Variants in AK5 observed in about 807,000 individuals in gnomAD.
The protein encoded by AK5 is adenylate kinase isoenzyme 5.
A neutral mutation model predicts 69.5 loss-of-function variants in AK5; 27 were observed. The ratio of observed to expected loss-of-function variants is 0.39; its 90% CI spans 0.29 to 0.54. The LOEUF is 0.54. Among genes scored for constraint, AK5 ranks in the 20% least tolerant of loss-of-function variants. AK5 has a pLI of 0.71. For synonymous variants in AK5, 260 were observed against 244.4 expected (o/e 1.06, Z -0.60); for missense variants, 531 against 700.4 (o/e 0.76, Z 2.73).
chr1:77,537,349 A>G (rs1051075118), intron 13 of AK5, among the ~76,000 whole-genome samples: 1 of 152,142 alleles, frequency 6.6e-6, no homozygotes, highest in Non-Finnish European at 1.5e-5. Flanking sequence ...ATGGAGAGGC[A>G]AGCAAGGACT....
chr1:77,550,851 C>T (rs1659787872), intron 13 of AK5, among the ~76,000 whole-genome samples: 1 of 152,106 alleles, frequency 6.6e-6, no homozygotes, highest in South Asian at 2.1e-4. Flanking sequence ...TTGTTCCCAC[C>T]CAATTCAACT....
chr1:77,389,934 G>C (rs922990102), intron 6 of AK5, among the ~76,000 whole-genome samples: 1 of 151,992 alleles, frequency 6.6e-6, no homozygotes, highest in Admixed American at 6.5e-5. Flanking sequence ...TGCACTCCAA[G>C]TTGGGCAACA....
chr1:77,451,288 C>T (rs1379217353), intron 8 of AK5, among the ~76,000 whole-genome samples: 2 of 151,920 alleles, frequency 1.3e-5, no homozygotes, highest in Non-Finnish European at 2.9e-5. Context: ...TGAAGCATTT[C>T]CTTGATTGAT....
At chr1:77,502,444 T>G (rs1380244386) in intron 10 of AK5, among the ~76,000 whole-genome samples, 1 of 152,220 alleles carries the variant, frequency 6.6e-6, no homozygotes, top group African/African-American at 2.4e-5. Context: ...GAGGACACTT[T>G]CACCTGCAAG....
At chr1:77,382,202 G>A (rs753663239) in intron 6 of AK5, among the ~76,000 whole-genome samples, 4 of 148,204 alleles carry the variant, frequency 2.7e-5, no homozygotes, top group Non-Finnish European at 5.9e-5. Context: ...ACACTTTCTC[G>A]TAAGACCCAT....
intron 8 of AK5, among the ~76,000 whole-genome samples, chr1:77,438,309 AAAAAAAAAAAAAAAAC>A (rs894542251): frequency 2.7e-5 from 4 of 145,462 alleles, no homozygotes; most frequent in Non-Finnish European, 6.1e-5. Context: ...AAAAAAAAAA[AAAAAAAAAAAAAAAAC>A]AAGCTTGGGG....
chr1:77,399,573 G>A (rs771717364), intron 6 of AK5, among the ~76,000 whole-genome samples: 1 of 152,180 alleles, frequency 6.6e-6, no homozygotes, highest in Non-Finnish European at 1.5e-5. Context: ...GCCCATGTGT[G>A]TGGGTGCTGG....
intron 8 of AK5, among the ~76,000 whole-genome samples, chr1:77,440,806 A>G (rs1570132064): frequency 6.6e-6 from 1 of 151,778 alleles, no homozygotes; most frequent in South Asian, 2.1e-4. Flanking sequence ...CTGGAGTGCA[A>G]TGGCATGCAA....
intron 6 of AK5, among the ~76,000 whole-genome samples, chr1:77,361,776 C>T (rs1646869463): frequency 6.6e-6 from 1 of 152,084 alleles, no homozygotes; most frequent in South Asian, 2.1e-4. Context: ...TTTTTAAACC[C>T]ATCAGATCTC....
At chr1:77,375,308 A>G (rs915879934) in intron 6 of AK5, among the ~76,000 whole-genome samples, 1 of 152,186 alleles carries the variant, frequency 6.6e-6, no homozygotes, top group Non-Finnish European at 1.5e-5. Flanking sequence ...TCAGTAGCCC[A>G]TTTACGTGCT....
chr1:77,558,486 T>A, intron 13 of AK5, 116 bp from the exon 14 acceptor site: 2 of 493,258 alleles, frequency 4.1e-6, no homozygotes, highest in Non-Finnish European at 7.3e-6. Flanking sequence ...TTGGGGGGGG[T>A]CTTGTGTTTT....
At chr1:77,388,927 T>C (rs1005631186) in intron 6 of AK5, among the ~76,000 whole-genome samples, 3 of 151,762 alleles carry the variant, frequency 2.0e-5, no homozygotes, top group Non-Finnish European at 2.9e-5. Flanking sequence ...ATCAGGGAAG[T>C]GGAGGAAAGT....
chr1:77,509,884 A>T (rs1354057383), intron 10 of AK5, among the ~76,000 whole-genome samples: 1 of 152,196 alleles, frequency 6.6e-6, no homozygotes, highest in Admixed American at 6.5e-5. Context: ...GATAATAATT[A>T]TGATGTTTAT....
intron 6 of AK5, among the ~76,000 whole-genome samples, chr1:77,363,660 T>C (rs1232868318): frequency 6.6e-6 from 1 of 152,124 alleles, no homozygotes; most frequent in Admixed American, 6.5e-5. Context: ...CCCCCACTGT[T>C]GTTAGAGGCC....
intron 6 of AK5, among the ~76,000 whole-genome samples, chr1:77,360,821 A>G (rs1646849631): frequency 6.6e-6 from 1 of 152,162 alleles, no homozygotes; most frequent in East Asian, 1.9e-4. Context: ...GCTAACTTCA[A>G]CGAATATGTG....
At chr1:77,486,496 C>T (rs1235892629) in intron 10 of AK5, 144 bp downstream of exon 10, 8 of 514,878 alleles carry the variant, frequency 1.6e-5, no homozygotes, top group South Asian at 1.0e-4. Flanking sequence ...GAGATCGAGA[C>T]CATCCTGGCT....
chr1:77,466,067 C>A (rs953555158), intron 8 of AK5, among the ~76,000 whole-genome samples: 1 of 152,176 alleles, frequency 6.6e-6, no homozygotes, highest in African/African-American at 2.4e-5. Flanking sequence ...ACCCGACTCC[C>A]TCACCATGGC....
At chr1:77,403,384 TGAATCGTA>T (rs371686824) in intron 6 of AK5, among the ~76,000 whole-genome samples, 12,775 of 152,138 alleles carry the variant, frequency 0.084, 703 homozygotes, top group South Asian at 0.17. Context: ...GCCTATGTCC[TGAATCGTA>T]TTGCCTAGGT....
intron 10 of AK5, among the ~76,000 whole-genome samples, chr1:77,497,386 G>T (rs907701312): frequency 2.6e-5 from 4 of 152,056 alleles, no homozygotes; most frequent in African/African-American, 7.2e-5. Context: ...AAGAAACTCC[G>T]GACACATCCG....
Sources: gnomAD v4.1 joint callset for allele counts (sites outside exome capture counted in the v4.1 genomes callset) on GRCh38, gnomAD v4.1.1 for gene constraint, MANE v1.5 for transcripts, NCBI Gene and HGNC (gene_info 2026-07-23, HGNC 2026-07-21) for gene names.